Variants in TTC7A observed in about 807,000 individuals in gnomAD.
The protein encoded by TTC7A is tetratricopeptide repeat protein 7A.
In TTC7A, 110 loss-of-function variants were observed where a neutral mutation model predicts 103.7. That is an observed-to-expected ratio of 1.06 (90% CI 0.91 to 1.24). The LOEUF (loss-of-function observed/expected upper bound fraction) is 1.24, where lower values mean the gene tolerates loss of function less well. TTC7A is among the 50% of genes most tolerant of loss of function. TTC7A has a pLI of 0.00. For missense variants in TTC7A, 1,340 were observed against 1,116.3 expected (o/e 1.20, Z -2.86); for synonymous variants, 521 against 467.9 (o/e 1.11, Z -1.47).
At chr2:46,950,740 A>G (rs1671339023) in intron 2 of TTC7A, among the ~76,000 whole-genome samples, 1 of 152,242 alleles carries the variant, frequency 6.6e-6, no homozygotes, top group South Asian at 2.1e-4. Flanking sequence ...TAAAGCATAC[A>G]CAAGGTTTCA....
intron 5 of TTC7A, among the ~76,000 whole-genome samples, chr2:46,989,201 T>C (rs1380410367): frequency 1.3e-5 from 2 of 152,270 alleles, no homozygotes; most frequent in African/African-American, 2.4e-5. Flanking sequence ...TCTGTCTTTC[T>C]GTTCCTGGCC....
At chr2:46,999,408 A>G (rs972783533) in intron 8 of TTC7A, 32 of 826,828 alleles carry the variant, frequency 3.9e-5, no homozygotes, top group African/African-American at 9.3e-5. Flanking sequence ...CCAGCCACCT[A>G]CCAACCCTGC....
exon 1 of TTC7A, chr2:46,916,517 C>CGAATTCATCCCTGTATA (rs1668797929): frequency 6.6e-6 from 1 of 152,426 alleles, no homozygotes; most frequent in Non-Finnish European, 1.5e-5. Flanking sequence ...ATCCCTGTAT[C>CGAATTCATCCCTGTATA]GAATTCATCC....
intron 2 of TTC7A, among the ~76,000 whole-genome samples, chr2:46,917,858 C>T (rs570398008): frequency 6.6e-6 from 1 of 152,274 alleles, no homozygotes; most frequent in African/African-American, 2.4e-5. Context: ...TTTCTGACAC[C>T]ACACACTCTG....
chr2:46,995,232 G>C (rs370902563), intron 8 of TTC7A, 33 bp downstream of exon 8: 1 of 1,610,770 alleles, frequency 6.2e-7, no homozygotes, highest in Non-Finnish European at 8.5e-7. Flanking sequence ...GGGGCCTCTG[G>C]CCCTCTGACC....
At position 46,917,404 on chromosome 2, in the gene TTC7A, T is replaced by TCTGC. The variant is rs891871204; in HGVS notation, c.82+129_82+132dup. ...ATCTAGTTCCTCCTTCTACCCTGCA[T>TCTGC]CTGCCATTCATCCATCTCTTCATCC... On this transcript the variant is annotated intron_variant, in intron 2 of 20. Coordinates refer to the TTC7A transcript ENST00000409245. The TCTGC allele has an allele frequency of 1.8e-5, 10 of 567,744 alleles. No individual in the cohort carries two copies. The African/African-American group carries it at 1.9e-4, about 11-fold the overall frequency. The allele number at this position is 567,744 out of a possible 1,614,324, so 35.2% of individuals were successfully genotyped here.
chr2:46,956,941 G>A lies in TTC7A; in HGVS notation c.451G>A (p.Asp151Asn). 6.2e-7 allele frequency: 1 copy of A among 1,614,202 alleles called. No homozygotes were observed. The change falls in exon 3 of 20, where the codon GAC becomes AAC. Residue 151 changes from aspartate to asparagine, a missense_variant. By Grantham distance (23) the Asp-to-Asn change is conservative (BLOSUM62 1). Transcript: ENST00000319190. ...ISMYARAGIDDMSMENKPLYQ... is the reference protein window; with the variant it reads ...ISMYARAGIDNMSMENKPLYQ... ...CATGTACGCACGGGCCGGGATTGAT[G>A]ACATGTCCATGGAGAACAAGCCCCT...
At chr2:46,936,512 A>G (rs1475037025), upstream of TTC7A, among the ~76,000 whole-genome samples, 2 of 152,146 alleles carry the variant, frequency 1.3e-5, no homozygotes, top group Non-Finnish European at 2.9e-5. Context: ...AGGTCTAGCT[A>G]TGAGGCTGGG....
Position 47,073,740 on chromosome 2 carries a change from C to T in TTC7A, c.2394C>T (p.Ala798=), listed in dbSNP as rs755102477. 5 of 1,613,664 alleles carry T rather than the reference C, an allele frequency of 3.1e-6. No homozygotes were observed. Among genetic ancestry groups the T allele is most frequent in the Non-Finnish European group, 4.2e-6 (5 of 1,180,028 alleles). The change falls in exon 20 of 20, where the codon GCC becomes GCT. Residue 798 remains alanine (A), a synonymous_variant. Transcript: ENST00000319190. ...GTCGGCTGGGCCACAAGAGCTTGGC[C>T]CAGAAGGTGCTTCGTGATGCCGTGG... ...MLSRLGHKSL[A]QKVLRDAVER... is the part of the protein sequence containing the mutation.
Position 47,008,927 on chromosome 2 carries a change from C to T in TTC7A, c.1287+2203C>T, listed in dbSNP as rs919105307. On this transcript the variant is annotated intron_variant, in intron 10 of 19. Transcript: ENST00000319190. ...ACAAAAAAAAAAAAAGCTGCTGCTC[C>T]GGCTGCTGAGTCCTCAGATGGCTCC... 5.3e-5 allele frequency among the ~76,000 whole-genome samples: 8 copies of T among 151,464 alleles called. No individual in the cohort carries two copies. In the South Asian group the frequency reaches 1.0e-3, roughly 20 times the overall value.
intron 2 of TTC7A, among the ~76,000 whole-genome samples, chr2:46,919,628 C>T (rs959607901): frequency 6.6e-6 from 1 of 152,080 alleles, no homozygotes; most frequent in African/African-American, 2.4e-5. Flanking sequence ...ATCCTGTGTC[C>T]CTAAAATCTC....
chr2:47,047,486 C>A, intron 16 of TTC7A: 1 of 608,336 alleles, frequency 1.6e-6, no homozygotes, highest in Non-Finnish European at 2.9e-6. Flanking sequence ...TTGAAGCCAC[C>A]TGGCAGCTGG....
chr2:47,001,359 C>G (rs558343832), intron 8 of TTC7A, among the ~76,000 whole-genome samples: 1 of 152,170 alleles, frequency 6.6e-6, no homozygotes, highest in African/African-American at 2.4e-5. Flanking sequence ...AGAGCTCAGG[C>G]AAGCAGCAGC....
At chr2:47,027,374 G>A (rs1415502966) in intron 14 of TTC7A, among the ~76,000 whole-genome samples, 2 of 152,244 alleles carry the variant, frequency 1.3e-5, no homozygotes, top group Admixed American at 6.5e-5. Flanking sequence ...TTAGCAGCCT[G>A]CATAGCTCAC....
upstream of TTC7A, among the ~76,000 whole-genome samples, chr2:46,940,961 G>C (rs1285872963): frequency 6.6e-6 from 1 of 152,276 alleles, no homozygotes; most frequent in Middle Eastern, 3.4e-3. This position sits in a 1 kb window ranked among gnomAD's most constrained non-coding sequence, Gnocchi z 4.7. Context: ...GCCCCGATGG[G>C]ATGGGGAGGG....
chr2:47,048,498 T>C (rs1435532527), intron 16 of TTC7A, among the ~76,000 whole-genome samples: 1 of 152,222 alleles, frequency 6.6e-6, no homozygotes, highest in Non-Finnish European at 1.5e-5. Context: ...ATTTTCAAGA[T>C]GAGAAACCTA....
intron 19 of TTC7A, among the ~76,000 whole-genome samples, chr2:47,066,802 C>T (rs78489698): frequency 0.011 from 1,648 of 152,298 alleles, 65 homozygotes; most frequent in Admixed American, 0.061. Flanking sequence ...GGAATCCTTC[C>T]GCCTCAGCCT....
rs1041638738 is a variant in TTC7A, at chr2:46,941,570, A to G, written c.29A>G (p.Tyr10Cys). 3 of 1,557,164 alleles carry G rather than the reference A, an allele frequency of 1.9e-6. No individual in the cohort carries two copies. In the East Asian group the frequency reaches 7.2e-5, roughly 38 times the overall value. The change falls in exon 1 of 20, where the codon TAC becomes TGC. Residue 10 changes from tyrosine to cysteine, a missense_variant. By Grantham distance (194) the Tyr-to-Cys change is radical. Coordinates refer to ENST00000319190, the MANE Select transcript of TTC7A (RefSeq NM_020458.4). This position sits in a 1 kb window ranked among gnomAD's most constrained non-coding sequence, Gnocchi z 4.2. MAAKGAHGS[Y>C]LKVESELERC... ...GCTGCGAAGGGCGCGCACGGCTCCT[A>G]CCTGAAGGTGGAGAGCGAGCTGGAG...
rs139339890 is a variant in TTC7A, at chr2:46,994,482, C to G, written c.969C>G (p.Ala323=). Residue 323 remains alanine (A), a synonymous_variant, in exon 7 of 20, where the codon GCC becomes GCG. Coordinates refer to ENST00000319190, the MANE Select transcript of TTC7A (RefSeq NM_020458.4). Reference sequence around the variant, plus strand: ...AGGAGAGTTCTTTCGCCACTCAGGCCCTGCGGAAACCTCACCTCTATGAAG... The same window carrying G: ...AGGAGAGTTCTTTCGCCACTCAGGCGCTGCGGAAACCTCACCTCTATGAAG... ...GKEESSFATQ[A]LRKPHLYEGD... The G allele has an allele frequency of 4.9e-5, 79 of 1,613,912 alleles. No individual in the cohort carries two copies. The highest frequency in any genetic ancestry group is 8.9e-5 in the East Asian group (4 of 44,892).
Sources: allele counts gnomAD v4.1 joint callset (sites outside exome capture counted in the v4.1 genomes callset), GRCh38; gene constraint gnomAD v4.1.1; non-coding constraint Gnocchi (gnomAD v3.1); transcripts MANE v1.5; gene names NCBI Gene and HGNC (gene_info 2026-07-23, HGNC 2026-07-21).